The following BMPR1B variants were observed in gnomAD, a reference collection of about 807,000 sequenced individuals.
BMPR1B encodes bone morphogenetic protein receptor type-1B.
Under a neutral mutation model 59.1 loss-of-function variants are expected in BMPR1B, and 12 were observed. That is an observed-to-expected ratio of 0.20 (90% confidence interval 0.13 to 0.33). The LOEUF (loss-of-function observed/expected upper bound fraction) is 0.33. Ranked by LOEUF, BMPR1B falls within the 10% of genes least tolerant of loss-of-function variation. BMPR1B has a pLI of 1.00. For synonymous variants in BMPR1B, 237 were observed against 207.3 expected (o/e 1.14, Z -1.23); for missense variants, 550 against 610.9 (o/e 0.90, Z 1.05).
At chr4:94,806,525 C>T (rs1355349730) in intron 1 of BMPR1B, among the ~76,000 whole-genome samples, 1 of 152,138 alleles carries the variant, frequency 6.6e-6, no homozygotes, top group East Asian at 1.9e-4. Context: ...TGAAATAGAT[C>T]ATTTGGTATG....
At chr4:95,133,570 C>CT (rs1215749907) in intron 10 of BMPR1B, among the ~76,000 whole-genome samples, 11 of 151,988 alleles carry the variant, frequency 7.2e-5, no homozygotes, top group Non-Finnish European at 1.2e-4. Flanking sequence ...TTTGAGACAC[C>CT]TTTTTTTATT....
intron 2 of BMPR1B, among the ~76,000 whole-genome samples, chr4:94,885,523 A>T (rs1450412118): frequency 6.6e-6 from 1 of 152,196 alleles, no homozygotes; most frequent in Non-Finnish European, 1.5e-5. Flanking sequence ...CATTGGTGCT[A>T]ACATATTTAT....
intron 2 of BMPR1B, among the ~76,000 whole-genome samples, chr4:94,958,666 C>T (rs989237532): frequency 2.0e-5 from 3 of 152,108 alleles, no homozygotes; most frequent in Non-Finnish European, 2.9e-5. Flanking sequence ...GAGACTTCAT[C>T]GTATGAATTT....
At chr4:94,822,102 G>T (rs920588875) in intron 1 of BMPR1B, among the ~76,000 whole-genome samples, 1 of 152,224 alleles carries the variant, frequency 6.6e-6, no homozygotes, top group African/African-American at 2.4e-5. Context: ...AAAATGCTGG[G>T]ATTTGGCAAG....
At chr4:95,107,809 CTT>C (rs768435551) in intron 4 of BMPR1B, among the ~76,000 whole-genome samples, 2 of 152,068 alleles carry the variant, frequency 1.3e-5, no homozygotes, top group Non-Finnish European at 2.9e-5. Flanking sequence ...AACATTCACT[CTT>C]GAGTAAAAGG....
At chr4:94,766,089 G>T (rs1050402447) in intron 1 of BMPR1B, among the ~76,000 whole-genome samples, 1 of 152,172 alleles carries the variant, frequency 6.6e-6, no homozygotes, top group African/African-American at 2.4e-5. Context: ...AAACACAAGC[G>T]TTTGATAAGC....
chr4:95,054,953 A>G (rs948017639), intron 3 of BMPR1B, among the ~76,000 whole-genome samples: 31 of 152,172 alleles, frequency 2.0e-4, no homozygotes, highest in African/African-American at 7.2e-4. Flanking sequence ...TTTTTCCCCT[A>G]TAAAATAATG....
intron 1 of BMPR1B, among the ~76,000 whole-genome samples, chr4:94,839,332 GT>G (rs1724950854): frequency 7.5e-6 from 1 of 133,892 alleles, no homozygotes; most frequent in African/African-American, 2.8e-5. Flanking sequence ...TTTCTGTCTC[GT>G]TGATCTGTCT....
intron 1 of BMPR1B, among the ~76,000 whole-genome samples, chr4:94,873,467 C>G (rs1488560049): frequency 6.7e-6 from 1 of 149,160 alleles, no homozygotes; most frequent in Non-Finnish European, 1.5e-5. Flanking sequence ...AATGCAGTGG[C>G]GCGATCTCGG....
intron 1 of BMPR1B, among the ~76,000 whole-genome samples, chr4:94,840,050 T>A (rs28872015): frequency 4.0e-5 from 6 of 150,684 alleles, no homozygotes; most frequent in Non-Finnish European, 5.9e-5. Context: ...TGAAATTCTG[T>A]GTTGAACATT....
At chr4:95,021,503 C>T (rs930137768) in intron 3 of BMPR1B, among the ~76,000 whole-genome samples, 2 of 152,118 alleles carry the variant, frequency 1.3e-5, no homozygotes, top group Non-Finnish European at 2.9e-5. Flanking sequence ...ACTTTAGCTG[C>T]TTATTATTTT....
At chr4:94,815,470 G>C (rs1723977242) in intron 1 of BMPR1B, among the ~76,000 whole-genome samples, 1 of 152,152 alleles carries the variant, frequency 6.6e-6, no homozygotes, top group Non-Finnish European at 1.5e-5. Flanking sequence ...ACTAGGAAAA[G>C]GATATGCTTT....
intron 2 of BMPR1B, among the ~76,000 whole-genome samples, chr4:94,922,551 A>G (rs1253219332): frequency 6.6e-5 from 10 of 152,226 alleles, no homozygotes; most frequent in Non-Finnish European, 1.0e-4. Flanking sequence ...TAAGTTGGTT[A>G]TAAGATTGCA....
At chr4:94,996,923 A>T (rs1430009337) in intron 3 of BMPR1B, among the ~76,000 whole-genome samples, 2 of 152,160 alleles carry the variant, frequency 1.3e-5, no homozygotes, top group African/African-American at 4.8e-5. Context: ...CATCTTCATT[A>T]TGGTTTTTCA....
chr4:94,874,919 G>A (rs1386990400), intron 1 of BMPR1B, among the ~76,000 whole-genome samples: 1 of 152,126 alleles, frequency 6.6e-6, no homozygotes, highest in African/African-American at 2.4e-5. Context: ...CGTGAACCCG[G>A]GAGGCAGAGC....
At chr4:94,887,191 A>G (rs1727203904) in intron 2 of BMPR1B, among the ~76,000 whole-genome samples, 2 of 151,606 alleles carry the variant, frequency 1.3e-5, no homozygotes, top group Non-Finnish European at 2.9e-5. Flanking sequence ...AAATAAACGT[A>G]TAAAAGAAAT....
Position 94,924,948 on chromosome 4 carries a change from C to T in BMPR1B, c.-113+49048C>T, listed in dbSNP as rs536793519. Among the ~76,000 whole-genome samples the T allele has an allele frequency of 1.7e-4, 26 of 152,226 alleles. 1 individual carries two copies. Among genetic ancestry groups the T allele is most frequent in the African/African-American group, 4.3e-4 (18 of 41,546 alleles). ...CTGCTACATCAAAGCCTTTGGTATC[C>T]TTCCAATTTAACTTACTTTCCTAGA... On this transcript the variant is annotated intron_variant, in intron 2 of 12. Transcript: ENST00000515059.
intron 2 of BMPR1B, among the ~76,000 whole-genome samples, chr4:94,892,040 G>C (rs983881604): frequency 2.6e-5 from 4 of 151,938 alleles, no homozygotes; most frequent in Admixed American, 2.6e-4. Context: ...ATTAAGAGTG[G>C]TCCTTTTCAA....
intron 11 of BMPR1B, among the ~76,000 whole-genome samples, chr4:95,150,949 A>G (rs555892035): frequency 2.0e-5 from 3 of 152,320 alleles, no homozygotes; most frequent in Non-Finnish European, 2.9e-5. Flanking sequence ...TGTTTCCACA[A>G]CTGGGATAGA....
Sources: allele counts gnomAD v4.1 joint callset (sites outside exome capture counted in the v4.1 genomes callset), GRCh38; gene constraint gnomAD v4.1.1; transcripts MANE v1.5; gene names NCBI Gene and HGNC (gene_info 2026-07-23, HGNC 2026-07-21).